Variants in RNASET2 observed in about 807,000 individuals in gnomAD.
RNASET2 encodes ribonuclease T2.
In RNASET2, 28 loss-of-function variants were observed where a neutral mutation model predicts 33.9. That is an observed-to-expected ratio of 0.83 (90% CI 0.61 to 1.13). The LOEUF is 1.13. Ranked by LOEUF, RNASET2 falls within the 50% of genes most tolerant of loss-of-function variation. The pLI is 0.00. For missense variants in RNASET2, 330 were observed against 319.9 expected (o/e 1.03, Z -0.24); for synonymous variants, 123 against 121.0 (o/e 1.02, Z -0.11).
At chr6:166,930,057 G>A (rs933026470) in intron 8 of RNASET2, among the ~76,000 whole-genome samples, 1 of 152,164 alleles carries the variant, frequency 6.6e-6, no homozygotes, top group African/African-American at 2.4e-5. Context: ...GGCCAGCCTG[G>A]TGCCCTGGTG....
intron 6 of RNASET2, chr6:166,934,729 G>T: frequency 6.5e-6 from 1 of 154,816 alleles, no homozygotes; most frequent in Admixed American, 6.3e-5. Context: ...GAAGCAACAG[G>T]CTATACCACA....
rs1354471818 is a variant in RNASET2 at position 166,925,171 on chromosome 6, G to A, written c.*4417C>T. Among the ~76,000 whole-genome samples, 13 of 105,712 alleles carry A rather than the reference G, an allele frequency of 1.2e-4. No homozygotes were observed. Among genetic ancestry groups the A allele is most frequent in the East Asian group, 2.0e-4 (1 of 4,964 alleles). The allele number at this position is 105,712 out of a possible 152,430, so 69.4% of individuals were successfully genotyped here. On this transcript the variant is annotated 3_prime_UTR_variant, in exon 9 of 9. Transcript: ENST00000508775. ...ACGCCATCCAGCCCTCACTCCTGCC[G>A]CCCAGCCCTCACTCCTGCCGCCCAG...
rs951368672 is a variant in RNASET2 at position 166,929,179 on chromosome 6, G to A, written c.*409C>T. ...CCAGGCCCACCAGGCATCAGCGTGG[G>A]CTCCTGCCATGCGTGGAGCTCTTCG... is the stretch of plus-strand genomic sequence containing the variant. On this transcript the variant is annotated 3_prime_UTR_variant, in exon 9 of 9. Coordinates refer to ENST00000508775, the MANE Select transcript of RNASET2 (RefSeq NM_003730.6). 9.2e-5 allele frequency among the ~76,000 whole-genome samples: 14 copies of A among 152,352 alleles called. No homozygotes were observed. In the Middle Eastern group the frequency reaches 0.01, roughly 111 times the overall value.
intron 1 of RNASET2, 90 bp downstream of exon 1, chr6:166,956,007 C>T: frequency 1.5e-6 from 2 of 1,344,726 alleles, no homozygotes; most frequent in South Asian, 1.3e-5. Context: ...GCTCAGCGAC[C>T]GCCGACCCCG....
chr6:166,951,592 G>A (rs770672745), intron 2 of RNASET2, among the ~76,000 whole-genome samples: 2 of 152,214 alleles, frequency 1.3e-5, no homozygotes, highest in African/African-American at 4.8e-5. Context: ...GCTCACACTT[G>A]TCTTCTGGTC....
chr6:166,946,556 G>A, intron 4 of RNASET2, 126 bp downstream of exon 4: 2 of 699,106 alleles, frequency 2.9e-6, no homozygotes, highest in Non-Finnish European at 5.2e-6. Flanking sequence ...CAGCAGCAAG[G>A]GCTCAATCCT....
intron 4 of RNASET2, chr6:166,943,435 G>C: frequency 2.8e-6 from 1 of 352,696 alleles, no homozygotes; most frequent in Non-Finnish European, 5.5e-6. Flanking sequence ...CTAAGTGCAA[G>C]AAGCCAGTCT....
In RNASET2 at chr6:166,923,228, C is replaced by CTTTTTTTTTTTTTTTTT. The variant is rs576639665; in HGVS notation, c.*6343_*6359dup. ...ACAGGCGTGAGCCACCAGGCCCGGC[C>CTTTTTTTTTTTTTTTTT]TTTTTTTTTTTTTTTTTTTTTGAGA... On this transcript the variant is annotated 3_prime_UTR_variant, in exon 9 of 9. Coordinates refer to ENST00000508775, the MANE Select transcript of RNASET2 (RefSeq NM_003730.6). Among the ~76,000 whole-genome samples, 899 of 102,574 alleles carry CTTTTTTTTTTTTTTTTT rather than the reference C, an allele frequency of 8.8e-3. 36 individuals are homozygous for CTTTTTTTTTTTTTTTTT. Among genetic ancestry groups the CTTTTTTTTTTTTTTTTT allele is most frequent in the Non-Finnish European group, 0.011 (601 of 54,522 alleles). 67.3% of individuals were successfully genotyped at this position (102,574 alleles called of 152,430 possible).
In RNASET2 at chr6:166,929,805, A is replaced by G. The variant is rs1047503396; in HGVS notation, c.568-14T>C. 7.5e-6 allele frequency: 12 copies of G among 1,606,764 alleles called. No homozygotes were observed. Among genetic ancestry groups the G allele is most frequent in the Non-Finnish European group, 1.0e-5 (12 of 1,173,552 alleles). ...TACTTCCTCATCCTAAAAGTAAACA[A>G]TGAAAGACGCTTTAGAATTCAGATC... On this transcript the variant is annotated splice_polypyrimidine_tract_variant and intron_variant, in intron 8 of 8. Transcript: ENST00000508775.
chr6:166,955,593 C>A, intron 1 of RNASET2: 2 of 992,258 alleles, frequency 2.0e-6, no homozygotes, highest in Non-Finnish European at 2.4e-6. Context: ...ACCAAGCCTG[C>A]CACCTGCTTT....
rs11159 is a variant in RNASET2 at position 166,929,653 on chromosome 6, G to T, written c.706C>A (p.Arg236=). 1 of 1,613,986 alleles carries T rather than the reference G, an allele frequency of 6.2e-7. No homozygotes were observed. The highest frequency in any genetic ancestry group is 1.1e-5 in the South Asian group (1 of 91,072). The change falls in exon 9 of 9, where the codon CGG becomes AGG. Residue 236 remains arginine (R), a synonymous_variant. Transcript: ENST00000508775. ...CCATCTTCACAGACTCTCAGACCCC[G>T]GCTCTCGGCGGCCCCATTTGCCAGC... ...VWLANGAAES[R]GLRVCEDGPV... is the part of the protein sequence containing the mutation.
At chr6:166,943,361 G>C (rs1287947903) in intron 4 of RNASET2, 4 of 381,006 alleles carry the variant, frequency 1.0e-5, no homozygotes, top group African/African-American at 2.1e-5. Flanking sequence ...AATATTTTCA[G>C]CAACAAAAAC....
At chr6:166,936,470 C>T (rs750178297) in intron 6 of RNASET2, among the ~76,000 whole-genome samples, 4 of 152,032 alleles carry the variant, frequency 2.6e-5, no homozygotes, top group Non-Finnish European at 4.4e-5. Flanking sequence ...GCAGGCTGTC[C>T]GAGAAGCATG....
intron 4 of RNASET2, chr6:166,943,316 T>C (rs1319073991): frequency 1.6e-5 from 7 of 439,730 alleles, no homozygotes; most frequent in East Asian, 4.9e-5. Context: ...CAAGCTGTTA[T>C]AGGTGAAGGG....
intron 6 of RNASET2, among the ~76,000 whole-genome samples, chr6:166,937,144 ACT>A (rs1778588231): frequency 6.6e-6 from 1 of 150,942 alleles, no homozygotes; most frequent in African/African-American, 2.4e-5. Flanking sequence ...CCTCATAATG[ACT>A]TTTTTTTTTG....
chr6:166,931,185 T>C, intron 7 of RNASET2, 67 bp from the exon 8 acceptor site: 7 of 1,151,658 alleles, frequency 6.1e-6, no homozygotes, highest in South Asian at 3.7e-5. Context: ...TTCTGGACTA[T>C]CCTGAGCGCA....
chr6:166,952,551 G>A lies in RNASET2; in HGVS notation c.87-3C>T. ...GTTTTTTCCACTCATGGTTGTCACT[G>A]TTAAAACATAAGAAACTTATTTTTC... On this transcript the variant is annotated splice_region_variant and splice_polypyrimidine_tract_variant and intron_variant, in intron 1 of 8. Transcript: ENST00000508775. 1 of 1,610,218 alleles carries A rather than the reference G, an allele frequency of 6.2e-7. No homozygotes were observed. The highest frequency in any genetic ancestry group is 1.1e-5 in the South Asian group (1 of 90,996).
intron 5 of RNASET2, among the ~76,000 whole-genome samples, chr6:166,942,444 G>A (rs772845022): frequency 1.9e-4 from 29 of 152,176 alleles, no homozygotes; most frequent in Non-Finnish European, 3.5e-4. Flanking sequence ...AGATATGCAA[G>A]CATTGGACTT....
chr6:166,955,235 GCACGCACA>G (rs1174184518), intron 1 of RNASET2, among the ~76,000 whole-genome samples: 24 of 95,480 alleles, frequency 2.5e-4, no homozygotes, highest in South Asian at 1.8e-3. Context: ...ACACACGCAC[GCACGCACA>G]CACACGCACA....
Sources: gnomAD v4.1 joint callset for allele counts (sites outside exome capture counted in the v4.1 genomes callset) on GRCh38, gnomAD v4.1.1 for gene constraint, MANE v1.5 for transcripts, NCBI Gene and HGNC (gene_info 2026-07-23, HGNC 2026-07-21) for gene names.